PDE4C: variants seen among roughly 807,000 people sequenced by gnomAD.
PDE4C encodes the protein phosphodiesterase 4C, also known as 3',5'-cyclic-AMP phosphodiesterase 4C.
In PDE4C, 50 loss-of-function variants were observed where a neutral mutation model predicts 63.9. That is an observed-to-expected ratio of 0.78 (90% CI 0.62 to 0.99). The LOEUF (loss-of-function observed/expected upper bound fraction) is 0.99. Ranked by LOEUF, PDE4C falls within the 50% of genes least tolerant of loss-of-function variation. PDE4C has a pLI of 0.00. For synonymous variants in PDE4C, 377 were observed against 385.1 expected (o/e 0.98, Z 0.25); for missense variants, 777 against 899.1 (o/e 0.86, Z 1.74).
intron 1 of PDE4C, 142 bp from the exon 2 acceptor site, chr19:18,222,465 C>G: frequency 1.5e-6 from 1 of 661,618 alleles, no homozygotes; most frequent in Non-Finnish European, 2.6e-6. Flanking sequence ...CTGCCCCCAG[C>G]TACACCCTCA....
chr19:18,218,642 C>T lies in PDE4C; in HGVS notation c.970-144G>A, dbSNP rs144827275. ...CTCTGTGCTCTCCTGAACTCCTCCA[C>T]TCTGTGTTATTTGGTGGTCCATCCC... On this transcript the variant is annotated intron_variant, in intron 9 of 14. Transcript: ENST00000262805. 6.1e-3 allele frequency: 5,562 copies of T among 909,540 alleles called. 148 individuals carry two copies. Among genetic ancestry groups the T allele is most frequent in the Admixed American group, 0.061 (2,744 of 44,906 alleles). 56.3% of individuals were successfully genotyped at this position (909,540 alleles called of 1,614,324 possible). A position where few individuals can be genotyped will look rare whatever the true frequency, so the allele number is the denominator to read the frequency against.
upstream of PDE4C, among the ~76,000 whole-genome samples, chr19:18,237,423 T>C (rs1437393617): frequency 2.0e-5 from 3 of 152,080 alleles, no homozygotes; most frequent in East Asian, 5.8e-4. Flanking sequence ...TGGTGGTGCA[T>C]GCCTGTAATT....
At chr19:18,213,583 A>T (rs1295002713) in intron 12 of PDE4C, 93 bp from the exon 13 acceptor site, 4 of 1,374,872 alleles carry the variant, frequency 2.9e-6, no homozygotes, top group Non-Finnish European at 4.0e-6. Context: ...GCTCAGACTC[A>T]GCCCTCTGGG....
intron 1 of PDE4C, among the ~76,000 whole-genome samples, chr19:18,247,042 T>C (rs917040452): frequency 9.9e-5 from 15 of 152,242 alleles, no homozygotes; most frequent in African/African-American, 3.6e-4. Flanking sequence ...CTTGGCTCAG[T>C]TTCCCAGAAT....
At chr19:18,233,518 A>C (rs965684398) in exon 1 of PDE4C, 1 of 597,536 alleles carries the variant, frequency 1.7e-6, no homozygotes, top group African/African-American at 1.8e-5. Flanking sequence ...ATAGCGCTGC[A>C]TGGAAAAGAA....
chr19:18,252,389 A>G (rs1381402014), upstream of PDE4C: 1 of 398,976 alleles, frequency 2.5e-6, no homozygotes, highest in Admixed American at 4.4e-5. Flanking sequence ...GTTCCCCTGA[A>G]CTGTGGGTGC....
At chr19:18,230,928 G>C (rs1412027596), upstream of PDE4C, among the ~76,000 whole-genome samples, 1 of 152,198 alleles carries the variant, frequency 6.6e-6, no homozygotes, top group Admixed American at 6.5e-5. Flanking sequence ...TCAACAAAAT[G>C]CTTAGACCCT....
chr19:18,213,518 G>A (rs767198727), intron 12 of PDE4C, 28 bp from the exon 13 acceptor site: 5 of 1,603,904 alleles, frequency 3.1e-6, no homozygotes, highest in South Asian at 2.2e-5. Flanking sequence ...AAGGTGACAG[G>A]CGCGAGGACC....
intron 1 of PDE4C, among the ~76,000 whole-genome samples, chr19:18,240,111 A>G (rs1969012252): frequency 6.6e-6 from 1 of 151,514 alleles, no homozygotes; most frequent in African/African-American, 2.4e-5. Context: ...CTACAGACAC[A>G]TAGTCCCCAT....
intron 1 of PDE4C, 100 bp downstream of exon 1, chr19:18,226,169 GC>G: frequency 6.3e-6 from 6 of 957,384 alleles, no homozygotes; most frequent in Admixed American, 2.2e-5. Context: ...CCGGACTCCG[GC>G]CCCGGCCCCA....
At chr19:18,223,618 A>C (rs1487825124) in intron 1 of PDE4C, among the ~76,000 whole-genome samples, 1 of 152,228 alleles carries the variant, frequency 6.6e-6, no homozygotes, top group African/African-American at 2.4e-5. Flanking sequence ...TACTGGGATT[A>C]CAGGCATGAG....
chr19:18,209,242 G>C (rs1171816063), downstream of PDE4C: 2 of 150,432 alleles, frequency 1.3e-5, no homozygotes, highest in African/African-American at 4.9e-5. Flanking sequence ...CTGCCACCAT[G>C]CCTGGCTAAT....
upstream of PDE4C, chr19:18,250,386 C>T (rs777315930): frequency 6.0e-5 from 24 of 399,000 alleles, no homozygotes; most frequent in Admixed American, 4.8e-4. Flanking sequence ...ACCACAGACC[C>T]GATGAGCAAA....
chr19:18,255,323 G>A, the PDE4C span: 1 of 397,760 alleles, frequency 2.5e-6, no homozygotes, highest in East Asian at 3.6e-5. This position sits in a 1 kb window ranked among gnomAD's most constrained non-coding sequence, Gnocchi z 4.6. Flanking sequence ...CGCCGGGAGG[G>A]CCTGCCACCG....
intron 1 of PDE4C, among the ~76,000 whole-genome samples, chr19:18,232,104 C>A (rs2148052910): frequency 6.6e-6 from 1 of 152,232 alleles, no homozygotes; most frequent in Admixed American, 6.5e-5. Flanking sequence ...GTGGCTCACA[C>A]ATGTAATCCT....
At chr19:18,231,446 C>T (rs549238882), upstream of PDE4C, among the ~76,000 whole-genome samples, 18 of 152,270 alleles carry the variant, frequency 1.2e-4, no homozygotes, top group African/African-American at 1.2e-4. Context: ...AACTAGAAGC[C>T]GGGGCGGGAG....
chr19:18,219,039 C>T lies in PDE4C; in HGVS notation c.871-1G>A. ...CCCACTTGTTGGTGTCTTCTAGCTC[C>T]TAAGATATGAAGGGCTGAAGCTTAA... On this transcript the variant is annotated splice_acceptor_variant, in intron 8 of 14. Coordinates refer to ENST00000262805, the Ensembl canonical transcript of PDE4C. LOFTEE classifies it high-confidence loss of function. 6.2e-7 allele frequency: 1 copy of T among 1,611,914 alleles called. No homozygotes were observed. The highest frequency in any genetic ancestry group is 8.5e-7 in the Non-Finnish European group (1 of 1,178,802).
rs11381255 is a variant in PDE4C at position 18,242,785 on chromosome 19, C to CAA, written c.-210+5384_-210+5385dup. Among the ~76,000 whole-genome samples the CAA allele has an allele frequency of 3.5e-3, 380 of 109,200 alleles. 4 individuals are homozygous for CAA. Among genetic ancestry groups the CAA allele is most frequent in the African/African-American group, 5.5e-3 (156 of 28,274 alleles). The allele number at this position is 109,200 out of a possible 152,430, so 71.6% of individuals were successfully genotyped here. On this transcript the variant is annotated intron_variant, in intron 1 of 15. Transcript: ENST00000594617. ...GGGCCACAGAGCAAGACTTTCACCTCAAAAAAAAAAAAAAAAAAGGGAATT... is the reference window on the plus strand; with the variant it reads ...GGGCCACAGAGCAAGACTTTCACCTCAAAAAAAAAAAAAAAAAAAAGGGAATT...
At position 18,232,966 on chromosome 19, in the gene PDE4C, CG is replaced by C. The variant is rs1296716341; in HGVS notation, c.225del (p.Val76PhefsTer75). On this transcript the variant is annotated frameshift_variant, in exon 1 of 15. Transcript: ENST00000594465. LOFTEE classifies it high-confidence loss of function. The stretch of plus-strand genomic sequence containing the variant: ...GCCACCTACCGCCTGCAGGAGGAAA[CG>C]GGCCAGGAGAGCCGCGACTTCCTGA... 3 of 1,462,376 alleles carry C rather than the reference CG, an allele frequency of 2.1e-6. No individual in the cohort carries two copies. The African/African-American group carries it at 4.3e-5, about 21-fold the overall frequency. The allele number at this position is 1,462,376 out of a possible 1,614,324, so 90.6% of individuals were successfully genotyped here. A position where few individuals can be genotyped will look rare whatever the true frequency, so the allele number is the denominator to read the frequency against.
Sources: gnomAD v4.1 joint callset for allele counts (sites outside exome capture counted in the v4.1 genomes callset) on GRCh38, gnomAD v4.1.1 for gene constraint, Gnocchi (gnomAD v3.1) non-coding constraint, MANE v1.5 for transcripts, NCBI Gene and HGNC (gene_info 2026-07-23, HGNC 2026-07-21) for gene names.